The following GPC5 variants were observed in gnomAD, a reference collection of about 807,000 sequenced individuals.
GPC5 encodes glypican-5.
Under a neutral mutation model 53.9 loss-of-function variants are expected in GPC5, and 47 were observed. That is an observed-to-expected ratio of 0.87 (90% confidence interval 0.69 to 1.11). The LOEUF (loss-of-function observed/expected upper bound fraction) is 1.11, where lower values mean the gene tolerates loss of function less well. Ranked by LOEUF, GPC5 falls within the 50% of genes most tolerant of loss-of-function variation. The pLI, the probability that GPC5 is intolerant of heterozygous loss-of-function variation, is 0.00. For synonymous variants in GPC5, 286 were observed against 263.3 expected, an observed-to-expected ratio of 1.09 and a Z score of -0.84; for missense variants, 748 against 713.1, an observed-to-expected ratio of 1.05 and a Z score of -0.56.
intron 7 of GPC5, among the ~76,000 whole-genome samples, chr13:92,369,412 A>G (rs1020757927): frequency 1.3e-5 from 2 of 152,216 alleles, no homozygotes; most frequent in Non-Finnish European, 2.9e-5. Flanking sequence ...TCCTGGCCTC[A>G]AGTGATCCTC....
chr13:91,528,634 T>A (rs1886195649), intron 2 of GPC5, among the ~76,000 whole-genome samples: 2 of 152,194 alleles, frequency 1.3e-5, no homozygotes, highest in African/African-American at 4.8e-5. Flanking sequence ...ATGTTATCTT[T>A]ATAGCAGTGC....
At chr13:91,626,924 G>GT (rs1173581571) in intron 2 of GPC5, among the ~76,000 whole-genome samples, 1 of 149,942 alleles carries the variant, frequency 6.7e-6, no homozygotes, top group African/African-American at 2.5e-5. Flanking sequence ...GCGGTGTTTG[G>GT]TTTTTTGTCC....
chr13:92,355,196 G>A (rs1251996232), intron 7 of GPC5, among the ~76,000 whole-genome samples: 2 of 151,314 alleles, frequency 1.3e-5, no homozygotes, highest in African/African-American at 4.9e-5. Context: ...AAGTTCTCTT[G>A]GAGGTTTTGT....
intron 3 of GPC5, among the ~76,000 whole-genome samples, chr13:91,704,720 T>C (rs1174949685): frequency 6.6e-6 from 1 of 152,230 alleles, no homozygotes; most frequent in Non-Finnish European, 1.5e-5. Context: ...AAGTCAATAG[T>C]CATATTACAT....
In GPC5 at chr13:92,708,857, C is replaced by CTTTTTTTTTTTTTTTTTTTTTTTTTTTTT. The variant is rs752130758; in HGVS notation, c.1562-157410_1562-157382dup. On this transcript the variant is annotated intron_variant, in intron 7 of 7. Transcript: ENST00000377067. ...CTAGCAGCATCTAGCTGGAAACCGC[C>CTTTTTTTTTTTTTTTTTTTTTTTTTTTTT]TTTTTTTTTTTTTTTTTTTTTTTTT... Among the ~76,000 whole-genome samples the CTTTTTTTTTTTTTTTTTTTTTTTTTTTTT allele has an allele frequency of 1.0e-4, 5 of 48,184 alleles. 2 individuals are homozygous for CTTTTTTTTTTTTTTTTTTTTTTTTTTTTT. The highest frequency in any genetic ancestry group is 2.1e-4 in the Non-Finnish European group (5 of 24,284). 31.6% of individuals were successfully genotyped at this position (48,184 alleles called of 152,430 possible). A position where few individuals can be genotyped will look rare whatever the true frequency, so the allele number is the denominator to read the frequency against.
At chr13:92,347,140 T>TA (rs139029227) in intron 7 of GPC5, among the ~76,000 whole-genome samples, 2,698 of 151,918 alleles carry the variant, frequency 0.018, 92 homozygotes, top group African/African-American at 0.062. Flanking sequence ...AAATAAGGGC[T>TA]AAAAAAAACT....
At chr13:92,237,586 C>T (rs1037567405) in intron 7 of GPC5, among the ~76,000 whole-genome samples, 1 of 151,958 alleles carries the variant, frequency 6.6e-6, no homozygotes, top group Admixed American at 6.6e-5. Flanking sequence ...TTATTTTTTC[C>T]AAGTATGTGT....
At chr13:92,668,692 C>T (rs193014067) in intron 7 of GPC5, among the ~76,000 whole-genome samples, 1 of 152,160 alleles carries the variant, frequency 6.6e-6, no homozygotes, top group East Asian at 1.9e-4. Context: ...ACTTTTGACA[C>T]AGCAAAAATA....
chr13:91,861,761 CTTCTCTTATT>C (rs1278118475), intron 5 of GPC5, among the ~76,000 whole-genome samples: 1 of 107,584 alleles, frequency 9.3e-6, no homozygotes, highest in Non-Finnish European at 2.3e-5. Flanking sequence ...TCTTGTTTCT[CTTCTCTTATT>C]TTTGTTTAAT....
intron 2 of GPC5, among the ~76,000 whole-genome samples, chr13:91,686,246 G>T (rs569514311): frequency 6.6e-6 from 1 of 152,032 alleles, no homozygotes; most frequent in East Asian, 1.9e-4. Flanking sequence ...AATAATATTA[G>T]AAATAAATGT....
chr13:91,855,871 AT>A (rs977589711), intron 5 of GPC5, among the ~76,000 whole-genome samples: 3 of 151,534 alleles, frequency 2.0e-5, no homozygotes, highest in African/African-American at 7.2e-5. Flanking sequence ...TAGATATATA[AT>A]TCAATGACAC....
At chr13:91,958,078 G>A (rs990787896) in intron 6 of GPC5, among the ~76,000 whole-genome samples, 4 of 151,316 alleles carry the variant, frequency 2.6e-5, no homozygotes, top group African/African-American at 9.7e-5. Context: ...AAATGATATA[G>A]ACTGGTTGAT....
intron 7 of GPC5, among the ~76,000 whole-genome samples, chr13:92,471,915 G>C (rs1453674262): frequency 2.6e-5 from 4 of 152,086 alleles, no homozygotes; most frequent in African/African-American, 9.7e-5. Context: ...AGGTGGTTCT[G>C]TTTTTATAGA....
chr13:92,369,974 C>T (rs1594139512), intron 7 of GPC5, among the ~76,000 whole-genome samples: 1 of 152,134 alleles, frequency 6.6e-6, no homozygotes, highest in East Asian at 1.9e-4. Context: ...TGTTTTTAGG[C>T]AGGTTCACTT....
chr13:92,518,214 C>A (rs949723438), intron 7 of GPC5, among the ~76,000 whole-genome samples: 1 of 152,120 alleles, frequency 6.6e-6, no homozygotes, highest in African/African-American at 2.4e-5. Flanking sequence ...CAGGATATTA[C>A]CCAGGAGAAC....
chr13:92,773,332 G>T (rs1017393354), intron 7 of GPC5, among the ~76,000 whole-genome samples: 4 of 152,206 alleles, frequency 2.6e-5, no homozygotes, highest in South Asian at 2.1e-4. Flanking sequence ...TTTGAGAAAT[G>T]AGTATGTATT....
chr13:91,523,991 T>C lies in GPC5; in HGVS notation c.325+75069T>C, dbSNP rs372394061. On this transcript the variant is annotated intron_variant, in intron 2 of 7. Coordinates refer to ENST00000377067, the MANE Select transcript of GPC5 (RefSeq NM_004466.6). Reference sequence around the variant, plus strand: ...TTTAAAAATATATTAGAAAACTACATTTATTATCCTAATTTTTTGTAATAA... The same window carrying C: ...TTTAAAAATATATTAGAAAACTACACTTATTATCCTAATTTTTTGTAATAA... Among the ~76,000 whole-genome samples, 6 of 152,116 alleles carry C rather than the reference T, an allele frequency of 3.9e-5. No homozygotes were observed. In the South Asian group the frequency reaches 6.2e-4, roughly 16 times the overall value.
At chr13:92,220,138 G>A (rs547545893) in intron 7 of GPC5, among the ~76,000 whole-genome samples, 7 of 152,240 alleles carry the variant, frequency 4.6e-5, no homozygotes, top group East Asian at 1.9e-4. Context: ...CAATGCAGTA[G>A]TGTTCTGTGT....
intron 7 of GPC5, among the ~76,000 whole-genome samples, chr13:92,524,987 A>G (rs552380871): frequency 6.6e-6 from 1 of 152,224 alleles, no homozygotes; most frequent in East Asian, 1.9e-4. Flanking sequence ...TTGAAAAATA[A>G]AGAAAGGTTG....
Sources: gnomAD v4.1 joint callset for allele counts (sites outside exome capture counted in the v4.1 genomes callset) on GRCh38, gnomAD v4.1.1 for gene constraint, MANE v1.5 for transcripts, NCBI Gene and HGNC (gene_info 2026-07-23, HGNC 2026-07-21) for gene names.